The following FRAS1 variants were observed in gnomAD, a reference collection of about 807,000 sequenced individuals.
FRAS1 encodes extracellular matrix organizing protein FRAS1.
In FRAS1, 290 loss-of-function variants were observed where a neutral mutation model predicts 435.2. The ratio of observed to expected loss-of-function variants is 0.67; its 90% CI spans 0.61 to 0.73. The LOEUF (loss-of-function observed/expected upper bound fraction) is 0.73, where lower values mean the gene tolerates loss of function less well. FRAS1 is among the 30% of genes least tolerant of loss of function. The pLI is 0.00. For synonymous variants in FRAS1, 1,800 were observed against 1,851.0 expected, an observed-to-expected ratio of 0.97 and a Z score of 0.71; for missense variants, 4,860 against 5,001.5, an observed-to-expected ratio of 0.97 and a Z score of 0.85.
chr4:78,406,277 G>A (rs544032495), intron 30 of FRAS1, among the ~76,000 whole-genome samples: 2 of 152,200 alleles, frequency 1.3e-5, no homozygotes, highest in African/African-American at 2.4e-5. Flanking sequence ...GACAATAATG[G>A]CATCATTCAG....
intron 9 of FRAS1, among the ~76,000 whole-genome samples, chr4:78,274,965 C>T (rs1726918851): frequency 6.6e-6 from 1 of 152,106 alleles, no homozygotes; most frequent in Admixed American, 6.5e-5. Context: ...CTTTGTAGGT[C>T]TCTAAGGACT....
At chr4:78,083,714 C>G (rs6858810) in intron 2 of FRAS1, among the ~76,000 whole-genome samples, 120,060 of 148,370 alleles carry the variant, frequency 0.81, 48,462 homozygotes, top group East Asian at 0.95. Flanking sequence ...TTTGTGATAA[C>G]AGTGATAAGT....
In FRAS1 at chr4:78,541,294, AC is replaced by A. The variant is rs1419338670; in HGVS notation, c.*172del. The A allele has an allele frequency of 9.6e-6, 4 of 418,206 alleles. No homozygotes were observed. The highest frequency in any genetic ancestry group is 6.1e-5 in the African/African-American group (3 of 48,992). 25.9% of individuals were successfully genotyped at this position (418,206 alleles called of 1,614,324 possible). Reference sequence around the variant, plus strand: ...ACTGAGCTACCTCATTCAGCAAAGAACCACTGAGAACCCCAGAGTATTACAG... The same window carrying A: ...ACTGAGCTACCTCATTCAGCAAAGAACACTGAGAACCCCAGAGTATTACAG... On this transcript the variant is annotated 3_prime_UTR_variant, in exon 74 of 74. Coordinates refer to ENST00000512123, the MANE Select transcript of FRAS1 (RefSeq NM_025074.7).
chr4:78,359,313 A>T (rs891502463), intron 20 of FRAS1, among the ~76,000 whole-genome samples: 1 of 152,092 alleles, frequency 6.6e-6, no homozygotes, highest in Non-Finnish European at 1.5e-5. Context: ...GAACATTGGT[A>T]TTAATCCTCA....
chr4:78,057,971 T>G lies in FRAS1; in HGVS notation c.-39T>G. ...TTTGGCGGAGCCGCTTCTTGGATGC[T>G]GAAGGCTGGGCTCCTCCATCGTGGG... is the stretch of plus-strand genomic sequence containing the variant. On this transcript the variant is annotated 5_prime_UTR_variant, in exon 1 of 74. Transcript: ENST00000512123. The surrounding 1 kb of genome is among the most constrained non-coding windows in gnomAD (Gnocchi z 4.2). The G allele has an allele frequency of 6.2e-7, 1 of 1,601,436 alleles. No homozygotes were observed. Among genetic ancestry groups the G allele is most frequent in the Non-Finnish European group, 8.6e-7 (1 of 1,169,164 alleles).
At position 78,270,542 on chromosome 4, in the gene FRAS1, A is replaced by ACCCCGCCC. The variant is rs1726619090; in HGVS notation, c.981+3118_981+3125dup. 2.9e-5 allele frequency among the ~76,000 whole-genome samples: 3 copies of ACCCCGCCC among 101,836 alleles called. No homozygotes were observed. In the East Asian group the frequency reaches 8.9e-4, roughly 30 times the overall value. The allele number at this position is 101,836 out of a possible 152,430, so 66.8% of individuals were successfully genotyped here. A position where few individuals can be genotyped will look rare whatever the true frequency, so the allele number is the denominator to read the frequency against. Reference sequence around the variant, plus strand: ...TCAATACCAGCCACCGCCCCCCGCCACCCCGCCCCCCCGCCACCACCACCA... The same window carrying ACCCCGCCC: ...TCAATACCAGCCACCGCCCCCCGCCACCCCGCCCCCCCGCCCCCCCGCCACCACCACCA... On this transcript the variant is annotated intron_variant, in intron 9 of 73. Transcript: ENST00000512123.
At chr4:78,269,214 T>A (rs1726526174) in intron 9 of FRAS1, among the ~76,000 whole-genome samples, 1 of 152,246 alleles carries the variant, frequency 6.6e-6, no homozygotes, top group African/African-American at 2.4e-5. Context: ...TAAGGCTCGT[T>A]ATGACCTTAA....
At chr4:78,397,479 G>A (rs753892942) in intron 29 of FRAS1, among the ~76,000 whole-genome samples, 1 of 152,200 alleles carries the variant, frequency 6.6e-6, no homozygotes, top group Non-Finnish European at 1.5e-5. Context: ...ACCATCCGAA[G>A]AGCCTGAATG....
Position 78,372,828 on chromosome 4 carries a change from T to G in FRAS1, c.2980T>G (p.Ser994Ala), listed in dbSNP as rs755211832. Residue 994 changes from serine (S) to alanine (A), a missense_variant, in exon 24 of 74, where the codon TCA (serine) becomes GCA (alanine). By Grantham distance (99) the Ser-to-Ala change is moderately conservative (BLOSUM62 1). Coordinates refer to ENST00000512123, the MANE Select transcript of FRAS1 (RefSeq NM_025074.7). Reference sequence around the variant, plus strand: ...GGCCTGCGTGGAGCAGTGCTTGTCATCATTTTACCAGGACTCGGGCCTCTG... The same window carrying G: ...GGCCTGCGTGGAGCAGTGCTTGTCAGCATTTTACCAGGACTCGGGCCTCTG... ...DGACVEQCLS[S>A]FYQDSGLCKN... 1.2e-6 allele frequency: 2 copies of G among 1,612,880 alleles called. No individual in the cohort carries two copies. The highest frequency in any genetic ancestry group is 3.3e-5 in the Admixed American group (2 of 60,012).
rs958889673 is a variant in FRAS1, at chr4:78,164,045, G to T, written c.109-73465G>T. On this transcript the variant is annotated intron_variant, in intron 2 of 73. Transcript: ENST00000512123. The stretch of plus-strand genomic sequence containing the variant: ...CCTGAACAACAGTTGGGTTCAATAA[G>T]CTGGCGATAGCTAGGTTCCTGCACT... 3.3e-5 allele frequency among the ~76,000 whole-genome samples: 5 copies of T among 152,302 alleles called. No individual in the cohort carries two copies. In the East Asian group the frequency reaches 5.8e-4, roughly 18 times the overall value.
chr4:78,314,654 T>C (rs1258409626), intron 15 of FRAS1, among the ~76,000 whole-genome samples: 3 of 152,202 alleles, frequency 2.0e-5, no homozygotes, highest in Non-Finnish European at 1.5e-5. Flanking sequence ...GTTTCTATAA[T>C]CTGGACTTCC....
chr4:78,335,892 C>A (rs865794886), intron 19 of FRAS1, among the ~76,000 whole-genome samples: 11 of 142,400 alleles, frequency 7.7e-5, no homozygotes, highest in African/African-American at 2.6e-4. Context: ...ATTGTAGCAC[C>A]GTGTGTGGTG....
chr4:78,447,302 A>C (rs1327223123), intron 43 of FRAS1, among the ~76,000 whole-genome samples: 1 of 147,994 alleles, frequency 6.8e-6, no homozygotes, highest in Non-Finnish European at 1.5e-5. Context: ...AAAAAAAAAA[A>C]AACACTTTTC....
At chr4:78,067,453 G>T (rs1178579827) in intron 2 of FRAS1, among the ~76,000 whole-genome samples, 1 of 151,990 alleles carries the variant, frequency 6.6e-6, no homozygotes, top group East Asian at 1.9e-4. Flanking sequence ...GGAGAGGTCA[G>T]TTTGATCAAG....
At chr4:78,507,100 C>A (rs1219180164) in intron 61 of FRAS1, among the ~76,000 whole-genome samples, 1 of 152,186 alleles carries the variant, frequency 6.6e-6, no homozygotes, top group African/African-American at 2.4e-5. Context: ...AGCAAAAAAA[C>A]TCATAACCAG....
chr4:78,166,458 A>T (rs966285253), intron 2 of FRAS1, among the ~76,000 whole-genome samples: 3 of 152,206 alleles, frequency 2.0e-5, no homozygotes, highest in African/African-American at 7.2e-5. Flanking sequence ...ATATTTATAC[A>T]TATGAAGACA....
At chr4:78,106,244 C>A (rs1355617574) in intron 2 of FRAS1, among the ~76,000 whole-genome samples, 1 of 88,764 alleles carries the variant, frequency 1.1e-5, no homozygotes, top group Non-Finnish European at 2.4e-5. Flanking sequence ...GTGGAGCCCA[C>A]CACAGCTCAA....
Position 78,379,780 on chromosome 4 carries a change from G to C in FRAS1, c.3347G>C (p.Gly1116Ala). The C allele has an allele frequency of 6.2e-7, 1 of 1,613,686 alleles. No individual in the cohort carries two copies. Among genetic ancestry groups the C allele is most frequent in the Non-Finnish European group, 8.5e-7 (1 of 1,179,784 alleles). ...HVNGSLILPIGSIKPLDFSLL... is the reference protein window; with the variant it reads ...HVNGSLILPIASIKPLDFSLL... ...AATGGTTCCCTGATCCTCCCAATTGGTTCAATAAAGCCACTGGATTTTTCC... is the reference window on the plus strand; with the variant it reads ...AATGGTTCCCTGATCCTCCCAATTGCTTCAATAAAGCCACTGGATTTTTCC... The change falls in exon 27 of 74, where the codon GGT becomes GCT. Residue 1116 changes from glycine to alanine, a missense_variant. By Grantham distance (60) the Gly-to-Ala change is moderately conservative. Coordinates refer to ENST00000512123, the MANE Select transcript of FRAS1 (RefSeq NM_025074.7).
At chr4:78,446,592 G>A in intron 42 of FRAS1, 135 bp from the exon 43 acceptor site, 1 of 1,401,430 alleles carries the variant, frequency 7.1e-7, no homozygotes. Context: ...TTTTGCTTGG[G>A]AAGTAAAGAT....
Sources: gnomAD v4.1 joint callset for allele counts (sites outside exome capture counted in the v4.1 genomes callset) on GRCh38, gnomAD v4.1.1 for gene constraint, Gnocchi (gnomAD v3.1) non-coding constraint, MANE v1.5 for transcripts, NCBI Gene and HGNC (gene_info 2026-07-23, HGNC 2026-07-21) for gene names.